SLC24A3: variants seen among roughly 807,000 people sequenced by gnomAD.
The protein encoded by SLC24A3 is sodium/potassium/calcium exchanger 3.
A neutral mutation model predicts 75.8 loss-of-function variants in SLC24A3; 28 were observed. That is an observed-to-expected ratio of 0.37 (90% CI 0.27 to 0.51). The LOEUF (loss-of-function observed/expected upper bound fraction) is 0.51, where lower values mean the gene tolerates loss of function less well. Ranked by LOEUF, SLC24A3 falls within the 20% of genes least tolerant of loss-of-function variation. SLC24A3 has a pLI of 0.94. For synonymous variants in SLC24A3, 372 were observed against 334.1 expected, an observed-to-expected ratio of 1.11 and a Z score of -1.24; for missense variants, 663 against 847.8, an observed-to-expected ratio of 0.78 and a Z score of 2.71.
chr20:19,722,226 G>T lies in SLC24A3; in HGVS notation c.*1086G>T, dbSNP rs531688275. On this transcript the variant is annotated 3_prime_UTR_variant, in exon 17 of 17. Coordinates refer to ENST00000328041, the MANE Select transcript of SLC24A3 (RefSeq NM_020689.4). ...GAGAAGCGCACTTTGCACAGACGTC[G>T]TCAATTAAGTCCCAATTTGCCACTT... 1 of 152,678 alleles carries T rather than the reference G, an allele frequency of 6.5e-6. No individual in the cohort carries two copies. Among genetic ancestry groups the T allele is most frequent in the Non-Finnish European group, 1.5e-5 (1 of 68,062 alleles). The allele number at this position is 152,678 out of a possible 1,614,324, so 9.5% of individuals were successfully genotyped here.
intron 2 of SLC24A3, among the ~76,000 whole-genome samples, chr20:19,406,784 C>G (rs1166248819): frequency 6.6e-6 from 1 of 152,188 alleles, no homozygotes; most frequent in Non-Finnish European, 1.5e-5. Flanking sequence ...TGAGACAGTG[C>G]CATGACCTTG....
At chr20:19,698,160 C>T (rs997166644) in intron 14 of SLC24A3, among the ~76,000 whole-genome samples, 1 of 152,178 alleles carries the variant, frequency 6.6e-6, no homozygotes, top group Non-Finnish European at 1.5e-5. Flanking sequence ...ATCTCACTCA[C>T]TATCACAAAG....
chr20:19,257,327 C>T (rs766792199), intron 1 of SLC24A3, among the ~76,000 whole-genome samples: 1 of 152,176 alleles, frequency 6.6e-6, no homozygotes, highest in Non-Finnish European at 1.5e-5. Flanking sequence ...TTTCCTTAAT[C>T]GATCCTCCTC....
intron 3 of SLC24A3, among the ~76,000 whole-genome samples, chr20:19,541,899 C>T (rs745559009): frequency 3.9e-5 from 6 of 152,204 alleles, no homozygotes; most frequent in Non-Finnish European, 7.3e-5. Context: ...GGTGCTCCTA[C>T]TGTGTGCACT....
At chr20:19,472,440 C>A (rs995896093) in intron 2 of SLC24A3, among the ~76,000 whole-genome samples, 1 of 152,248 alleles carries the variant, frequency 6.6e-6, no homozygotes, top group Non-Finnish European at 1.5e-5. Flanking sequence ...TGCTAGCAAG[C>A]CTCTGCCACA....
intron 6 of SLC24A3, among the ~76,000 whole-genome samples, chr20:19,601,422 C>T (rs2031525462): frequency 6.6e-6 from 1 of 152,004 alleles, no homozygotes; most frequent in Non-Finnish European, 1.5e-5. Flanking sequence ...TGTGGGGATC[C>T]ACACTTCAAA....
Position 19,673,664 on chromosome 20 carries a change from A to C in SLC24A3, c.767+10A>C, listed in dbSNP as rs1396821709. On this transcript the variant is annotated intron_variant, in intron 9 of 16. Transcript: ENST00000328041. ...ACATTGTCATCATGAAGTAAGTAAA[A>C]TTTTTCATTTCTTATCCAAAACTGT... 6.2e-7 allele frequency: 1 copy of C among 1,611,320 alleles called. No homozygotes were observed. The highest frequency in any genetic ancestry group is 1.3e-5 in the African/African-American group (1 of 74,838).
intron 15 of SLC24A3, among the ~76,000 whole-genome samples, chr20:19,699,303 G>A (rs969513398): frequency 2.0e-5 from 3 of 152,228 alleles, no homozygotes; most frequent in Non-Finnish European, 4.4e-5. Flanking sequence ...CACTGAAAGG[G>A]CAACGCCCTG....
intron 2 of SLC24A3, among the ~76,000 whole-genome samples, chr20:19,494,460 T>C (rs1206612999): frequency 6.6e-6 from 1 of 152,206 alleles, no homozygotes. Flanking sequence ...TGAAATCATC[T>C]GGGAAACAAA....
At chr20:19,582,615 C>A (rs2031234523) in intron 4 of SLC24A3, among the ~76,000 whole-genome samples, 1 of 152,224 alleles carries the variant, frequency 6.6e-6, no homozygotes, top group Non-Finnish European at 1.5e-5. Context: ...CAGCCCCTTC[C>A]CCTGTCTGGA....
chr20:19,514,811 T>A (rs1436571235), intron 2 of SLC24A3, among the ~76,000 whole-genome samples: 2 of 152,114 alleles, frequency 1.3e-5, no homozygotes, highest in Non-Finnish European at 2.9e-5. Flanking sequence ...TCCCTGTGGT[T>A]GGCATTCTGG....
intron 2 of SLC24A3, among the ~76,000 whole-genome samples, chr20:19,291,704 A>G (rs998112256): frequency 6.6e-6 from 1 of 152,334 alleles, no homozygotes; most frequent in African/African-American, 2.4e-5. Flanking sequence ...CCAGTGGCTC[A>G]TCCATCCCTG....
chr20:19,527,380 A>C (rs6035366), intron 3 of SLC24A3, among the ~76,000 whole-genome samples: 87,618 of 151,952 alleles, frequency 0.58, 26,061 homozygotes, highest in Non-Finnish European at 0.66. Flanking sequence ...GAATGAATGA[A>C]GTGTGCTTAA....
chr20:19,222,519 T>C (rs1313117089), intron 1 of SLC24A3, among the ~76,000 whole-genome samples: 1 of 152,154 alleles, frequency 6.6e-6, no homozygotes, highest in Non-Finnish European at 1.5e-5. Context: ...CAGAGAAAGA[T>C]CACTCAGCAT....
intron 10 of SLC24A3, among the ~76,000 whole-genome samples, chr20:19,682,231 G>C (rs998054555): frequency 1.1e-4 from 16 of 152,206 alleles, no homozygotes; most frequent in Admixed American, 7.9e-4. Flanking sequence ...CTCCAGTCAG[G>C]ACAACAGAGC....
chr20:19,652,070 T>C (rs2032212798), intron 6 of SLC24A3, among the ~76,000 whole-genome samples: 1 of 152,198 alleles, frequency 6.6e-6, no homozygotes, highest in African/African-American at 2.4e-5. Flanking sequence ...TAAACAGTCT[T>C]TTGATTGTTC....
At chr20:19,602,904 G>A (rs2031545746) in intron 6 of SLC24A3, among the ~76,000 whole-genome samples, 1 of 152,208 alleles carries the variant, frequency 6.6e-6, no homozygotes, top group Non-Finnish European at 1.5e-5. Context: ...TACCACTGGA[G>A]GCATCAGCCA....
At chr20:19,491,882 G>A (rs920076831) in intron 2 of SLC24A3, among the ~76,000 whole-genome samples, 1 of 152,122 alleles carries the variant, frequency 6.6e-6, no homozygotes, top group Non-Finnish European at 1.5e-5. Context: ...AGGGCGCTGG[G>A]CTTGCAAACA....
intron 8 of SLC24A3, among the ~76,000 whole-genome samples, chr20:19,672,610 T>G (rs536163457): frequency 6.6e-6 from 1 of 152,294 alleles, no homozygotes; most frequent in African/African-American, 2.4e-5. Context: ...ATGCTGGGAT[T>G]ACAGGAGCGG....
Sources: gnomAD v4.1 joint callset for allele counts (sites outside exome capture counted in the v4.1 genomes callset) on GRCh38, gnomAD v4.1.1 for gene constraint, MANE v1.5 for transcripts, NCBI Gene and HGNC (gene_info 2026-07-23, HGNC 2026-07-21) for gene names.